The following CCDC122 variants were observed in gnomAD, a reference collection of about 807,000 sequenced individuals.
The protein encoded by CCDC122 is coiled-coil domain containing 122.
In CCDC122, 38 loss-of-function variants were observed where a neutral mutation model predicts 37.0. The observed-to-expected ratio is 1.03, with a 90% CI of 0.79 to 1.35. The LOEUF is 1.35. CCDC122 is among the 40% of genes most tolerant of loss of function. The pLI is 0.00. For missense variants in CCDC122, 305 were observed against 310.0 expected (o/e 0.98, Z 0.12); for synonymous variants, 83 against 95.6 (o/e 0.87, Z 0.77).
chr13:43,874,525 A>G (rs1954548611), intron 2 of CCDC122, among the ~76,000 whole-genome samples: 1 of 152,232 alleles, frequency 6.6e-6, no homozygotes, highest in Non-Finnish European at 1.5e-5. Flanking sequence ...TAAAGTAACT[A>G]GTACTTCTTG....
chr13:43,848,418 CTT>C (rs751929859), intron 6 of CCDC122, among the ~76,000 whole-genome samples: 4 of 145,740 alleles, frequency 2.7e-5, no homozygotes, highest in African/African-American at 5.0e-5. Flanking sequence ...GGAAATAACA[CTT>C]TTTTTTTTTT....
intron 4 of CCDC122, among the ~76,000 whole-genome samples, chr13:43,862,559 C>G (rs111792714): frequency 7.2e-5 from 11 of 152,102 alleles, no homozygotes; most frequent in African/African-American, 2.4e-4. Flanking sequence ...TGCTTGCTTC[C>G]CCTGACTAGA....
intron 6 of CCDC122, among the ~76,000 whole-genome samples, chr13:43,845,140 AT>A (rs1300093110): frequency 1.3e-5 from 2 of 151,928 alleles, no homozygotes; most frequent in African/African-American, 4.8e-5. Context: ...ATCTTTATGT[AT>A]TTTTTAAGCT....
intron 3 of CCDC122, among the ~76,000 whole-genome samples, chr13:43,828,293 A>G (rs746513571): frequency 6.6e-6 from 1 of 152,174 alleles, no homozygotes; most frequent in South Asian, 2.1e-4. Flanking sequence ...AGCACGCATT[A>G]TGTGTCAGGT....
At chr13:43,856,888 A>G (rs1202146957) in intron 6 of CCDC122, among the ~76,000 whole-genome samples, 2 of 152,186 alleles carry the variant, frequency 1.3e-5, no homozygotes, top group Admixed American at 1.3e-4. Context: ...TAAATAAATC[A>G]AGCCATCCAT....
In CCDC122 at chr13:43,837,315, C is replaced by G; in HGVS notation, c.787G>C (p.Ala263Pro). The stretch of plus-strand genomic sequence containing the variant: ...ATTCCAATGCATTTTCTTAATTCGG[C>G]TGCAGTTTTTTCCAATTGTTGAATG... Reference protein sequence around the residue: ...WNIQQLEKTAAELRKCIGMQE With the variant: ...WNIQQLEKTAPELRKCIGMQE The change falls in exon 7 of 7, where the codon GCC (alanine) becomes CCC (proline). Residue 263 changes from alanine to proline, a missense_variant. Ala to Pro is a conservative substitution (Grantham distance 27). Transcript: ENST00000444614. 2 of 1,613,962 alleles carry G rather than the reference C, an allele frequency of 1.2e-6. No individual in the cohort carries two copies. Among genetic ancestry groups the G allele is most frequent in the Non-Finnish European group, 1.7e-6 (2 of 1,179,986 alleles).
rs554522269 is a variant in CCDC122, at chr13:43,862,044, C to T, written c.157-1974G>A. ...AATGTCTAACTCATCTCCCTATTTC[C>T]GTTCCTCCCCACTCCCCCAACTAGT... On this transcript the variant is annotated intron_variant, in intron 4 of 6. Transcript: ENST00000444614. Among the ~76,000 whole-genome samples, 9 of 152,230 alleles carry T rather than the reference C, an allele frequency of 5.9e-5. No homozygotes were observed. In the South Asian group the frequency reaches 1.5e-3, roughly 25 times the overall value.
downstream of CCDC122, among the ~76,000 whole-genome samples, chr13:43,835,437 G>C (rs1280611259): frequency 6.6e-6 from 1 of 152,012 alleles, no homozygotes; most frequent in Non-Finnish European, 1.5e-5. Flanking sequence ...TTGTGCACAT[G>C]TACCCTAAAA....
chr13:43,851,911 A>G (rs563046900), intron 6 of CCDC122, among the ~76,000 whole-genome samples: 20 of 152,086 alleles, frequency 1.3e-4, no homozygotes, highest in Admixed American at 1.2e-3. Flanking sequence ...AATCCACCTA[A>G]TATAACAATC....
intron 1 of CCDC122, among the ~76,000 whole-genome samples, chr13:43,875,584 C>T (rs545596418): frequency 6.6e-5 from 10 of 152,270 alleles, no homozygotes; most frequent in Non-Finnish European, 8.8e-5. Flanking sequence ...TCTACAGTAA[C>T]CAGTCCAGGA....
At chr13:43,841,177 G>A (rs1049636422) in intron 6 of CCDC122, among the ~76,000 whole-genome samples, 11 of 152,200 alleles carry the variant, frequency 7.2e-5, no homozygotes, top group African/African-American at 2.2e-4. Context: ...TGTCAATAAA[G>A]CTACTGTAAG....
At chr13:43,875,754 G>A (rs1445767510) in intron 1 of CCDC122, among the ~76,000 whole-genome samples, 2 of 152,170 alleles carry the variant, frequency 1.3e-5, no homozygotes, top group African/African-American at 2.4e-5. Flanking sequence ...ACAAAAAGAA[G>A]CCATAGAATG....
At chr13:43,855,394 C>T (rs1397860387) in intron 6 of CCDC122, 1 of 149,910 alleles carries the variant, frequency 6.7e-6, no homozygotes. Context: ...CACACACACA[C>T]CCCTAAGAAC....
chr13:43,865,993 C>G (rs1442801873), intron 4 of CCDC122, among the ~76,000 whole-genome samples: 1 of 152,214 alleles, frequency 6.6e-6, no homozygotes, highest in East Asian at 1.9e-4. Flanking sequence ...AACATAAGCA[C>G]TGTGATACTG....
chr13:43,845,737 T>A (rs1953503973), intron 6 of CCDC122, among the ~76,000 whole-genome samples: 1 of 92,932 alleles, frequency 1.1e-5, no homozygotes, highest in Non-Finnish European at 2.5e-5. Context: ...AAAACAAAAG[T>A]TTCTTTTGCA....
intron 6 of CCDC122, among the ~76,000 whole-genome samples, chr13:43,846,788 A>G (rs1953551796): frequency 6.6e-6 from 1 of 152,204 alleles, no homozygotes; most frequent in South Asian, 2.1e-4. Context: ...CAAGTTTTTG[A>G]GGGCAGCTAA....
chr13:43,850,336 C>T (rs952893785), intron 6 of CCDC122, among the ~76,000 whole-genome samples: 2 of 152,214 alleles, frequency 1.3e-5, no homozygotes, highest in African/African-American at 4.8e-5. Context: ...TCACAATCAA[C>T]ATGCACCACA....
chr13:43,831,325 A>T (rs1953087224), intron 3 of CCDC122, among the ~76,000 whole-genome samples: 1 of 152,192 alleles, frequency 6.6e-6, no homozygotes, highest in African/African-American at 2.4e-5. Flanking sequence ...CCTGTGCATG[A>T]GTCAGTTAAT....
At chr13:43,878,984 G>T (rs1315983218) in intron 1 of CCDC122, among the ~76,000 whole-genome samples, 1 of 152,132 alleles carries the variant, frequency 6.6e-6, no homozygotes, top group African/African-American at 2.4e-5. Flanking sequence ...GCCCTGCATG[G>T]GAAAAGCTGC....
Sources: gnomAD v4.1 joint callset for allele counts (sites outside exome capture counted in the v4.1 genomes callset) on GRCh38, gnomAD v4.1.1 for gene constraint, MANE v1.5 for transcripts, NCBI Gene and HGNC (gene_info 2026-07-23, HGNC 2026-07-21) for gene names.